Variants in ABR observed in about 807,000 individuals in gnomAD.
The protein encoded by ABR is ABR activator of RhoGEF and GTPase, also known as active breakpoint cluster region-related protein.
ABR carries 35 observed loss-of-function variants against 107.2 expected under a neutral mutation model. The observed-to-expected ratio is 0.33, with a 90% CI of 0.25 to 0.43. The LOEUF (loss-of-function observed/expected upper bound fraction) is 0.43, where lower values mean the gene tolerates loss of function less well. ABR is among the 20% of genes least tolerant of loss of function. The pLI is 1.00. For synonymous variants in ABR, 498 were observed against 462.0 expected (o/e 1.08, Z -1.00); for missense variants, 815 against 1,115.2 (o/e 0.73, Z 3.83).
chr17:1,215,357 G>C (rs1283138117), intron 1 of ABR, among the ~76,000 whole-genome samples: 3 of 151,828 alleles, frequency 2.0e-5, no homozygotes, highest in Non-Finnish European at 2.9e-5. Context: ...TCCTGCCTCA[G>C]CCTGCCGAGT....
chr17:1,218,928 A>C (rs746601600), intron 1 of ABR, among the ~76,000 whole-genome samples: 5 of 152,160 alleles, frequency 3.3e-5, no homozygotes, highest in Non-Finnish European at 7.3e-5. Flanking sequence ...GAGCAATCAG[A>C]TCTTTAGGCC....
In ABR at chr17:1,057,168, T is replaced by A. The variant is rs561753012; in HGVS notation, c.1382-66A>T. 7.2e-5 allele frequency: 79 copies of A among 1,089,842 alleles called. No individual in the cohort carries two copies. In the African/African-American group the frequency reaches 1.2e-3, roughly 16 times the overall value. 67.5% of individuals were successfully genotyped at this position (1,089,842 alleles called of 1,614,324 possible). ...TCCACCAGGACCGGCTGCTCTTCCC[T>A]GGGGGCTGCTGCAGGAAGACGGCTT... On this transcript the variant is annotated intron_variant, in intron 12 of 22. Coordinates refer to ENST00000302538, the MANE Select transcript of ABR (RefSeq NM_021962.5).
intron 1 of ABR, among the ~76,000 whole-genome samples, chr17:1,225,707 G>A (rs1246342605): frequency 6.6e-6 from 1 of 152,068 alleles, no homozygotes; most frequent in African/African-American, 2.4e-5. Flanking sequence ...CTGTAGTAGT[G>A]GTTAATTAAC....
Position 1,065,519 on chromosome 17 carries a change from T to C in ABR, c.1182+1558A>G, listed in dbSNP as rs1222822707. 5.0e-5 allele frequency among the ~76,000 whole-genome samples: 7 copies of C among 139,048 alleles called. 2 individuals carry two copies. Among genetic ancestry groups the C allele is most frequent in the Non-Finnish European group, 8.0e-5 (5 of 62,374 alleles). The allele number at this position is 139,048 out of a possible 152,430, so 91.2% of individuals were successfully genotyped here. A position where few individuals can be genotyped will look rare whatever the true frequency, so the allele number is the denominator to read the frequency against. On this transcript the variant is annotated intron_variant, in intron 10 of 22. Coordinates refer to ENST00000302538, the MANE Select transcript of ABR (RefSeq NM_021962.5). ...GAACTGAGGGCTATGCATGTTCCTC[T>C]AGACGCTGTTGTTATGTGAACTGAG...
At chr17:1,196,870 A>G (rs2150708471) in intron 1 of ABR, among the ~76,000 whole-genome samples, 1 of 151,738 alleles carries the variant, frequency 6.6e-6, no homozygotes, top group South Asian at 2.1e-4. Context: ...AATTTTTTGT[A>G]TTTTTAGTAG....
At chr17:1,079,065 T>A in intron 6 of ABR, 2 of 1,376,826 alleles carry the variant, frequency 1.5e-6, no homozygotes, top group South Asian at 1.6e-5. Context: ...GGAGGAGGGG[T>A]AGGGAGGGAG....
intron 1 of ABR, among the ~76,000 whole-genome samples, chr17:1,194,037 A>G (rs910051138): frequency 2.6e-5 from 4 of 152,276 alleles, no homozygotes; most frequent in African/African-American, 7.2e-5. Flanking sequence ...TGGCAGAGGA[A>G]GGAAGACACA....
intron 16 of ABR, among the ~76,000 whole-genome samples, chr17:1,038,101 AC>A (rs2073336261): frequency 6.6e-6 from 1 of 151,938 alleles, no homozygotes; most frequent in Middle Eastern, 3.2e-3. Context: ...CCACTGGCTC[AC>A]ACCTGCTTTT....
intron 18 of ABR, chr17:1,012,254 C>T (rs1388978467): frequency 3.0e-6 from 2 of 665,252 alleles, no homozygotes; most frequent in Non-Finnish European, 5.5e-6. Flanking sequence ...AAAGAACGTC[C>T]CCCAGATTCA....
rs935412233 is a variant in ABR at position 1,179,861 on chromosome 17, G to A, written c.-134C>T. ...AGGAGGCCGGGAACCAGGTCCCCGG[G>A]AGGAGCGCGGGGCGGCCGGGGCAGG... On this transcript the variant is annotated 5_prime_UTR_variant, in exon 1 of 23. Transcript: ENST00000302538. This position sits in a 1 kb window ranked among gnomAD's most constrained non-coding sequence, Gnocchi z 4.9. 3.3e-6 allele frequency: 3 copies of A among 913,888 alleles called. No homozygotes were observed. The highest frequency in any genetic ancestry group is 4.5e-6 in the Non-Finnish European group (3 of 665,686). The allele number at this position is 913,888 out of a possible 1,614,324, so 56.6% of individuals were successfully genotyped here.
chr17:1,215,302 T>G (rs12936878), intron 1 of ABR, among the ~76,000 whole-genome samples: 145,140 of 151,506 alleles, frequency 0.96, 69,803 homozygotes, highest in East Asian at 1. Flanking sequence ...GAAGCTGGAC[T>G]GTACTGCTGC....
intron 16 of ABR, among the ~76,000 whole-genome samples, chr17:1,040,134 C>T (rs1233395491): frequency 6.6e-6 from 1 of 152,150 alleles, no homozygotes; most frequent in Non-Finnish European, 1.5e-5. Context: ...CCCAGTACCA[C>T]TATGAAGAAC....
chr17:1,216,042 G>A (rs957447882), intron 1 of ABR, among the ~76,000 whole-genome samples: 2 of 149,872 alleles, frequency 1.3e-5, no homozygotes, highest in South Asian at 2.2e-4. Flanking sequence ...CACTGCGGAA[G>A]GCCGCAGGGT....
At chr17:1,163,062 A>C (rs2041366275) in intron 1 of ABR, among the ~76,000 whole-genome samples, 2 of 152,158 alleles carry the variant, frequency 1.3e-5, no homozygotes, top group Non-Finnish European at 2.9e-5. Flanking sequence ...ACAGAGCGAG[A>C]CTCAATCTCA....
chr17:1,084,960 G>A lies in ABR; in HGVS notation c.532-1333C>T, dbSNP rs2036494545. On this transcript the variant is annotated intron_variant, in intron 4 of 22. Coordinates refer to ENST00000302538, the MANE Select transcript of ABR (RefSeq NM_021962.5). This position sits in a 1 kb window ranked among gnomAD's most constrained non-coding sequence, Gnocchi z 4.2. The stretch of plus-strand genomic sequence containing the variant: ...TGGCGTTACAGGCGCCCGCCACCAC[G>A]CCTGGCTAATCTTGTATTTTTAGTA... Among the ~76,000 whole-genome samples, 1 of 151,818 alleles carries A rather than the reference G, an allele frequency of 6.6e-6. No individual in the cohort carries two copies. The highest frequency in any genetic ancestry group is 2.1e-4 in the South Asian group (1 of 4,794).
At chr17:1,030,088 A>G (rs903207081) in intron 16 of ABR, among the ~76,000 whole-genome samples, 1 of 151,926 alleles carries the variant, frequency 6.6e-6, no homozygotes, top group Non-Finnish European at 1.5e-5. Flanking sequence ...CCTGGCCACC[A>G]CCCCTGCCCA....
chr17:1,057,947 G>T (rs1448590500), intron 12 of ABR, 23 bp downstream of exon 12: 1 of 1,600,296 alleles, frequency 6.2e-7, no homozygotes, highest in Admixed American at 1.7e-5. Flanking sequence ...TCATTGGGGA[G>T]CGTGGAAGAG....
intron 1 of ABR, among the ~76,000 whole-genome samples, chr17:1,132,369 C>A (rs181163197): frequency 0.024 from 3,329 of 137,070 alleles, 70 homozygotes; most frequent in Non-Finnish European, 0.03. Flanking sequence ...ACTTGAATAC[C>A]GAAAGCACTT....
intron 1 of ABR, among the ~76,000 whole-genome samples, chr17:1,197,580 T>TTGC (rs1320898649): frequency 6.6e-6 from 1 of 151,638 alleles, no homozygotes; most frequent in African/African-American, 2.4e-5. Flanking sequence ...ATTTTCCCAG[T>TTGC]TGCTGTTTCT....
Sources: gnomAD v4.1 joint callset for allele counts (sites outside exome capture counted in the v4.1 genomes callset) on GRCh38, gnomAD v4.1.1 for gene constraint, Gnocchi (gnomAD v3.1) non-coding constraint, MANE v1.5 for transcripts, NCBI Gene and HGNC (gene_info 2026-07-23, HGNC 2026-07-21) for gene names.